Variants in LEF1 observed in about 807,000 individuals in gnomAD.
LEF1 encodes the protein lymphoid enhancer binding factor 1, also known as lymphoid enhancer-binding factor 1.
A neutral mutation model predicts 51.2 loss-of-function variants in LEF1; 14 were observed. The ratio of observed to expected loss-of-function variants is 0.27; its 90% CI spans 0.18 to 0.43. The LOEUF is 0.43. LEF1 is among the 20% of genes least tolerant of loss of function. The probability of loss-of-function intolerance (pLI) is 1.00; values close to 1 mark genes in which losing one functional copy is unlikely to be tolerated. For synonymous variants in LEF1, 185 were observed against 183.2 expected (o/e 1.01, Z -0.08); for missense variants, 386 against 512.0 (o/e 0.75, Z 2.37).
At chr4:108,099,363 G>A (rs7667948) in intron 3 of LEF1, among the ~76,000 whole-genome samples, 85,825 of 150,578 alleles carry the variant, frequency 0.57, 24,811 homozygotes, top group Middle Eastern at 0.73. Context: ...TGGCGTTTTT[G>A]AAACAAAGCT....
At chr4:108,137,824 T>A (rs1743394624) in intron 3 of LEF1, among the ~76,000 whole-genome samples, 1 of 152,160 alleles carries the variant, frequency 6.6e-6, no homozygotes, top group Non-Finnish European at 1.5e-5. Context: ...CTTAATATTG[T>A]CCTATAGAAT....
intron 3 of LEF1, among the ~76,000 whole-genome samples, chr4:108,127,383 C>A (rs1742612721): frequency 6.6e-6 from 1 of 152,152 alleles, no homozygotes; most frequent in Non-Finnish European, 1.5e-5. Flanking sequence ...TGTTTACTGC[C>A]TGAATGCTGC....
chr4:108,104,630 A>G (rs1384093919), intron 3 of LEF1: 4 of 960,768 alleles, frequency 4.2e-6, no homozygotes, highest in African/African-American at 3.5e-5. Flanking sequence ...GACATATTGT[A>G]TATGTTTAGG....
At chr4:108,140,617 C>G (rs367582292) in intron 3 of LEF1, among the ~76,000 whole-genome samples, 1 of 152,168 alleles carries the variant, frequency 6.6e-6, no homozygotes, top group East Asian at 1.9e-4. Context: ...AATCAGCCAT[C>G]TAGGTTTTCA....
At chr4:108,074,420 G>A (rs1738707869) in intron 8 of LEF1, among the ~76,000 whole-genome samples, 1 of 151,974 alleles carries the variant, frequency 6.6e-6, no homozygotes, top group South Asian at 2.1e-4. Flanking sequence ...AAGAGAAAAG[G>A]CTTATTTTAA....
intron 3 of LEF1, among the ~76,000 whole-genome samples, chr4:108,134,980 T>A (rs547983675): frequency 1.3e-5 from 2 of 152,208 alleles, no homozygotes; most frequent in Non-Finnish European, 2.9e-5. Context: ...ATGGAAGGAA[T>A]AAAAAACACT....
Position 108,076,528 on chromosome 4 carries a change from A to G in LEF1, c.1008+1692T>C, listed in dbSNP as rs143272535. On this transcript the variant is annotated intron_variant, in intron 8 of 11. Coordinates refer to ENST00000265165, the MANE Select transcript of LEF1 (RefSeq NM_016269.5). ...GTAGCTGAGATTATAGGCATCCACCACCACACACTCAGCTAATTTTTGTAT... is the reference window on the plus strand; with the variant it reads ...GTAGCTGAGATTATAGGCATCCACCGCCACACACTCAGCTAATTTTTGTAT... Among the ~76,000 whole-genome samples, 1,499 of 152,178 alleles carry G rather than the reference A, an allele frequency of 9.9e-3. 11 individuals are homozygous for G. Among genetic ancestry groups the G allele is most frequent in the Middle Eastern group, 0.024 (7 of 294 alleles).
intron 11 of LEF1, among the ~76,000 whole-genome samples, chr4:108,050,917 G>A (rs996916640): frequency 6.6e-6 from 1 of 152,228 alleles, no homozygotes; most frequent in African/African-American, 2.4e-5. Context: ...CCAATCTAGA[G>A]CACCCTGCAC....
intron 3 of LEF1, among the ~76,000 whole-genome samples, chr4:108,123,688 T>G (rs187808224): frequency 3.5e-4 from 53 of 152,260 alleles, no homozygotes; most frequent in African/African-American, 1.2e-3. Context: ...ATATGTGATA[T>G]TTGTGTGTGT....
intron 11 of LEF1, among the ~76,000 whole-genome samples, chr4:108,056,898 C>A (rs1483474471): frequency 6.7e-6 from 1 of 149,100 alleles, no homozygotes; most frequent in African/African-American, 2.5e-5. Context: ...CTGGGCTAGG[C>A]CACTATTCAA....
intron 11 of LEF1, among the ~76,000 whole-genome samples, chr4:108,052,752 T>C (rs577288732): frequency 6.6e-6 from 1 of 152,324 alleles, no homozygotes; most frequent in Non-Finnish European, 1.5e-5. Context: ...CCAGGCCTCC[T>C]GGCATCATAA....
At chr4:108,162,702 G>T (rs1745136508) in intron 3 of LEF1, among the ~76,000 whole-genome samples, 1 of 152,114 alleles carries the variant, frequency 6.6e-6, no homozygotes, top group Non-Finnish European at 1.5e-5. Context: ...GTGATAAAGG[G>T]AGAGTGGGGC....
intron 3 of LEF1, among the ~76,000 whole-genome samples, chr4:108,137,598 C>T (rs574003762): frequency 3.3e-5 from 5 of 152,216 alleles, no homozygotes; most frequent in South Asian, 2.1e-4. Flanking sequence ...TAGGAAGGAA[C>T]GGTATTGGTT....
chr4:108,059,949 T>A (rs993571869), intron 11 of LEF1, among the ~76,000 whole-genome samples: 1 of 152,128 alleles, frequency 6.6e-6, no homozygotes, highest in Non-Finnish European at 1.5e-5. Flanking sequence ...CCTCCCAAAG[T>A]ACTGGAATTA....
At chr4:108,080,682 G>T (rs947310311) in intron 6 of LEF1, among the ~76,000 whole-genome samples, 2 of 152,008 alleles carry the variant, frequency 1.3e-5, no homozygotes, top group African/African-American at 4.8e-5. Context: ...TGTTTTAAGG[G>T]GAAGGATATT....
chr4:108,059,354 A>C (rs935546996), intron 11 of LEF1, among the ~76,000 whole-genome samples: 2 of 152,222 alleles, frequency 1.3e-5, no homozygotes, highest in Admixed American at 6.5e-5. Flanking sequence ...TTCTTACTTC[A>C]TCACCTAGGT....
At chr4:108,075,002 CCT>C (rs144409334) in intron 8 of LEF1, among the ~76,000 whole-genome samples, 7,844 of 152,272 alleles carry the variant, frequency 0.052, 702 homozygotes, top group African/African-American at 0.18. Flanking sequence ...CCCTTCTTTT[CCT>C]CTGATTTCTT....
intron 3 of LEF1, among the ~76,000 whole-genome samples, chr4:108,156,930 C>T (rs1268949349): frequency 6.6e-6 from 1 of 151,728 alleles, no homozygotes; most frequent in Non-Finnish European, 1.5e-5. Context: ...ACTATAAAAG[C>T]CCTGACTTCA....
At chr4:108,144,117 G>A (rs972493893) in intron 3 of LEF1, among the ~76,000 whole-genome samples, 1 of 152,082 alleles carries the variant, frequency 6.6e-6, no homozygotes, top group African/African-American at 2.4e-5. Context: ...CCCAAAGTCT[G>A]GGACCCCTCT....
Sources: allele counts gnomAD v4.1 joint callset (sites outside exome capture counted in the v4.1 genomes callset), GRCh38; gene constraint gnomAD v4.1.1; transcripts MANE v1.5; gene names NCBI Gene and HGNC (gene_info 2026-07-23, HGNC 2026-07-21).